Variants in TDRD7 observed in about 807,000 individuals in gnomAD.
TDRD7 encodes tudor domain-containing protein 7.
A neutral mutation model predicts 109.8 loss-of-function variants in TDRD7; 47 were observed. That is an observed-to-expected ratio of 0.43 (90% CI 0.34 to 0.55). The LOEUF is 0.55. TDRD7 is among the 20% of genes least tolerant of loss of function. The pLI, the probability that TDRD7 is intolerant of heterozygous loss-of-function variation, is 0.03. For missense variants in TDRD7, 1,164 were observed against 1,319.2 expected (o/e 0.88, Z 1.82); for synonymous variants, 424 against 457.3 (o/e 0.93, Z 0.93).
chr9:97,413,197 G>A (rs1174658735), intron 1 of TDRD7, among the ~76,000 whole-genome samples: 3 of 152,182 alleles, frequency 2.0e-5, no homozygotes, highest in Non-Finnish European at 2.9e-5. Flanking sequence ...AGAGAGATAG[G>A]CAACAGCTTA....
At chr9:97,431,660 G>A (rs924358260) in intron 3 of TDRD7, among the ~76,000 whole-genome samples, 9 of 152,130 alleles carry the variant, frequency 5.9e-5, no homozygotes, top group African/African-American at 2.2e-4. Context: ...AAAAGGCAAA[G>A]GGGAGACTTG....
chr9:97,452,220 AAGAG>A (rs955379415), intron 6 of TDRD7, among the ~76,000 whole-genome samples: 12 of 152,272 alleles, frequency 7.9e-5, no homozygotes, highest in African/African-American at 2.4e-4. Flanking sequence ...CCTTAACAAA[AAGAG>A]AGAGAGAAAG....
intron 1 of TDRD7, 70 bp from the exon 2 acceptor site, chr9:97,428,390 C>A: frequency 6.9e-7 from 1 of 1,455,622 alleles, no homozygotes; most frequent in Non-Finnish European, 9.6e-7. Flanking sequence ...CAAGTTTCAG[C>A]TCTGAAAATC....
At chr9:97,421,699 TG>T (rs1827903060) in intron 1 of TDRD7, among the ~76,000 whole-genome samples, 2 of 1,478 alleles carry the variant, frequency 1.4e-3, no homozygotes, top group East Asian at 0.023. Flanking sequence ...GCCCAGCTTT[TG>T]TGTGTGTGTG....
In TDRD7 at chr9:97,460,703, A is replaced by G. The variant is rs760073934; in HGVS notation, c.1381A>G (p.Thr461Ala). 9 of 1,614,052 alleles carry G rather than the reference A, an allele frequency of 5.6e-6. No homozygotes were observed. In the East Asian group the frequency reaches 6.7e-5, roughly 12 times the overall value. ...DITVPPLMIP[T>A]EASPSVLVVE... Reference sequence around the variant, plus strand: ...AACAGTTCCTCCTTTAATGATTCCAACTGAAGCATCACCATCTGTATTGGT... The same window carrying G: ...AACAGTTCCTCCTTTAATGATTCCAGCTGAAGCATCACCATCTGTATTGGT... Residue 461 changes from threonine to alanine, a missense_variant, in exon 7 of 17, where the codon ACT (threonine) becomes GCT (alanine). Physicochemically the swap from Thr to Ala is moderately conservative, Grantham distance 58. This residue lies in a region of TDRD7 where 261 missense variants were observed against 336.2 expected (regional missense o/e 0.78). Transcript: ENST00000355295.
At chr9:97,475,980 T>C (rs182778638) in intron 12 of TDRD7, among the ~76,000 whole-genome samples, 35 of 152,338 alleles carry the variant, frequency 2.3e-4, no homozygotes, top group Admixed American at 2.3e-3. Flanking sequence ...ACTATTAATA[T>C]GCCAACGTTA....
chr9:97,441,711 A>G lies in TDRD7; in HGVS notation c.691A>G (p.Thr231Ala). The G allele has an allele frequency of 6.2e-7, 1 of 1,613,528 alleles. No homozygotes were observed. The highest frequency in any genetic ancestry group is 8.5e-7 in the Non-Finnish European group (1 of 1,179,896). ...KPNVKPPASY[T>A]YKMDEVQNRI... ...CAATGTCAAGCCTCCTGCCTCTTAC[A>G]CTTATAAAATGGATGAGGTTCAAAA... The change falls in exon 6 of 17, where the codon ACT becomes GCT. Residue 231 changes from threonine (T) to alanine (A), a missense_variant. Physicochemically the swap from Thr to Ala is moderately conservative, Grantham distance 58. Coordinates refer to ENST00000355295, the MANE Select transcript of TDRD7 (RefSeq NM_014290.3).
At position 97,472,459 on chromosome 9, in the gene TDRD7, G is replaced by T; in HGVS notation, c.1908G>T (p.Lys636Asn). The T allele has an allele frequency of 6.2e-7, 1 of 1,613,864 alleles. No homozygotes were observed. The highest frequency in any genetic ancestry group is 8.5e-7 in the Non-Finnish European group (1 of 1,179,856). ...DDININATCL[K>N]AICDKSLEVH... is the part of the protein sequence containing the mutation. Reference sequence around the variant, plus strand: ...TCAATATCAATGCCACCTGCTTGAAGGCTATATGTGACAAGTCACTAGAGG... The same window carrying T: ...TCAATATCAATGCCACCTGCTTGAATGCTATATGTGACAAGTCACTAGAGG... The change falls in exon 10 of 17, where the codon AAG (lysine) becomes AAT (asparagine). Residue 636 changes from lysine (K) to asparagine (N), a missense_variant. Lys to Asn is a moderately conservative substitution (Grantham distance 94). Around this residue, in one of 5 missense-constraint regions of TDRD7, gnomAD observed 261 missense variants for 336.2 expected, o/e 0.78. Transcript: ENST00000355295.
At chr9:97,462,424 A>G (rs1315279553) in intron 7 of TDRD7, among the ~76,000 whole-genome samples, 1 of 152,176 alleles carries the variant, frequency 6.6e-6, no homozygotes. Context: ...AATGTCTGCC[A>G]TTAGGTTGAC....
chr9:97,474,253 T>C (rs1366946417), intron 11 of TDRD7, among the ~76,000 whole-genome samples: 2 of 152,156 alleles, frequency 1.3e-5, no homozygotes, highest in Non-Finnish European at 2.9e-5. Flanking sequence ...TTACCTCCAT[T>C]AGGACATTAT....
Position 97,472,513 on chromosome 9 carries a change from GTTGTTGCTTGTTACACATT to G in TDRD7, c.1944+23_1944+41del, listed in dbSNP as rs755944766. The G allele has an allele frequency of 6.3e-7, 1 of 1,592,442 alleles. No homozygotes were observed. The highest frequency in any genetic ancestry group is 8.6e-7 in the Non-Finnish European group (1 of 1,160,766). On this transcript the variant is annotated intron_variant, in intron 10 of 16. Transcript: ENST00000355295. ...ACCTGCAGGTACCACTGTGATCACT[GTTGTTGCTTGTTACACATT>G]TTGTATGAGAGAAAAATCACCAGAA...
In TDRD7 at chr9:97,431,969, T is replaced by C. The variant is rs567878558; in HGVS notation, c.350-56T>C. On this transcript the variant is annotated intron_variant, in intron 3 of 16. Coordinates refer to ENST00000355295, the MANE Select transcript of TDRD7 (RefSeq NM_014290.3). The stretch of plus-strand genomic sequence containing the variant: ...ACATCTGGTCAGGGGAGTGTCATAA[T>C]GAAAGTGGGGTTTGGGGATGCTAAT... 46 of 1,492,008 alleles carry C rather than the reference T, an allele frequency of 3.1e-5. No homozygotes were observed. The African/African-American group carries it at 5.9e-4, about 19-fold the overall frequency. 92.4% of individuals were successfully genotyped at this position (1,492,008 alleles called of 1,614,324 possible).
intron 6 of TDRD7, among the ~76,000 whole-genome samples, chr9:97,459,166 C>A (rs1159903190): frequency 6.6e-6 from 1 of 152,174 alleles, no homozygotes; most frequent in Non-Finnish European, 1.5e-5. Flanking sequence ...AATGTTTAGG[C>A]TCTGCAGGCC....
chr9:97,465,045 T>G lies in TDRD7; in HGVS notation c.1629+17T>G. On this transcript the variant is annotated intron_variant, in intron 8 of 16. Transcript: ENST00000355295. The stretch of plus-strand genomic sequence containing the variant: ...AAAATAAAGGCAAGCACTGTTTACT[T>G]TGTCATAGCATTATGGATACAAATA... 1.2e-6 allele frequency: 2 copies of G among 1,611,200 alleles called. No individual in the cohort carries two copies. Among genetic ancestry groups the G allele is most frequent in the Non-Finnish European group, 1.7e-6 (2 of 1,178,496 alleles).
At chr9:97,468,712 G>T (rs1418018285) in intron 8 of TDRD7, among the ~76,000 whole-genome samples, 1 of 152,178 alleles carries the variant, frequency 6.6e-6, no homozygotes, top group East Asian at 1.9e-4. Flanking sequence ...TGCCAGTTTG[G>T]CCTGACCCAG....
In TDRD7 at chr9:97,472,392, T is replaced by A; in HGVS notation, c.1841T>A (p.Ile614Asn). Reference protein sequence around the residue: ...FAVEILDKADIPLVVLYDTSG... With the variant: ...FAVEILDKADNPLVVLYDTSG... Reference sequence around the variant, plus strand: ...GTGGAAATACTTGACAAAGCTGACATTCCACTTGTTGTTCTGTACGATACC... The same window carrying A: ...GTGGAAATACTTGACAAAGCTGACAATCCACTTGTTGTTCTGTACGATACC... The change falls in exon 10 of 17, where the codon ATT becomes AAT. Residue 614 changes from isoleucine (I) to asparagine (N), a missense_variant. Transcript: ENST00000355295. 1.2e-6 allele frequency: 2 copies of A among 1,613,966 alleles called. No homozygotes were observed. Among genetic ancestry groups the A allele is most frequent in the Non-Finnish European group, 1.7e-6 (2 of 1,179,864 alleles).
intron 16 of TDRD7, among the ~76,000 whole-genome samples, chr9:97,490,991 C>G (rs1251714202): frequency 2.1e-5 from 3 of 146,254 alleles, no homozygotes; most frequent in Admixed American, 1.4e-4. Flanking sequence ...TCTCAGCTCA[C>G]TGCAACCTCC....
At chr9:97,431,168 C>T in intron 3 of TDRD7, 94 bp downstream of exon 3, 1 of 1,547,374 alleles carries the variant, frequency 6.5e-7, no homozygotes, top group Non-Finnish European at 8.9e-7. Context: ...ATGATAAATA[C>T]TTGTATCTGT....
At chr9:97,488,837 A>G (rs1829256582) in intron 16 of TDRD7, among the ~76,000 whole-genome samples, 2 of 152,106 alleles carry the variant, frequency 1.3e-5, no homozygotes, top group Non-Finnish European at 2.9e-5. Context: ...TGCATCCCAC[A>G]AGTTTTGATG....
Sources: gnomAD v4.1 joint callset for allele counts (sites outside exome capture counted in the v4.1 genomes callset) on GRCh38, gnomAD v4.1.1 for gene constraint, gnomAD v4.1.1 regional missense constraint, MANE v1.5 for transcripts, NCBI Gene and HGNC (gene_info 2026-07-23, HGNC 2026-07-21) for gene names.